The following ZEB1 variants were observed in gnomAD, a reference collection of about 807,000 sequenced individuals.
ZEB1 encodes zinc finger E-box binding homeobox 1, also known as zinc finger E-box-binding homeobox 1.
In ZEB1, 21 loss-of-function variants were observed where a neutral mutation model predicts 84.9. The observed-to-expected ratio is 0.25, with a 90% CI of 0.18 to 0.36. ZEB1 has a LOEUF of 0.36. Among genes scored for constraint, ZEB1 ranks in the 10% least tolerant of loss-of-function variants. The probability of loss-of-function intolerance (pLI) is 1.00; values close to 1 mark genes in which losing one functional copy is unlikely to be tolerated. For synonymous variants in ZEB1, 420 were observed against 471.1 expected, an observed-to-expected ratio of 0.89 and a Z score of 1.41; for missense variants, 1,104 against 1,330.2, an observed-to-expected ratio of 0.83 and a Z score of 2.65.
chr10:31,503,961 C>T (rs542645138), intron 4 of ZEB1, among the ~76,000 whole-genome samples: 4 of 140,298 alleles, frequency 2.9e-5, no homozygotes, highest in African/African-American at 9.8e-5. Context: ...TCATATTAGT[C>T]CCTTGTCAGA....
At chr10:31,371,586 T>C (rs1475831019) in intron 1 of ZEB1, among the ~76,000 whole-genome samples, 1 of 152,220 alleles carries the variant, frequency 6.6e-6, no homozygotes, top group Non-Finnish European at 1.5e-5. Context: ...ACTATTAAAC[T>C]GCCTCAATGT....
chr10:31,404,729 A>C (rs1378674339), intron 1 of ZEB1, among the ~76,000 whole-genome samples: 2 of 151,834 alleles, frequency 1.3e-5, no homozygotes, highest in Non-Finnish European at 2.9e-5. Flanking sequence ...TTCAAACTGC[A>C]CCTCTCCTTT....
At chr10:31,357,886 CTG>C (rs2042368045) in intron 1 of ZEB1, among the ~76,000 whole-genome samples, 1 of 152,042 alleles carries the variant, frequency 6.6e-6, no homozygotes, top group Admixed American at 6.6e-5. Flanking sequence ...TATCCCAACA[CTG>C]TAGTTGCCAA....
intron 2 of ZEB1, among the ~76,000 whole-genome samples, chr10:31,466,548 AT>A (rs1299374967): frequency 6.6e-6 from 1 of 152,234 alleles, no homozygotes; most frequent in African/African-American, 2.4e-5. Context: ...GAAGTAAAAA[AT>A]ATCTTGAAAC....
At chr10:31,492,121 T>C (rs530076652) in intron 2 of ZEB1, among the ~76,000 whole-genome samples, 1 of 152,008 alleles carries the variant, frequency 6.6e-6, no homozygotes, top group South Asian at 2.1e-4. Context: ...AAGTTACTCA[T>C]TTGGACTGGG....
At chr10:31,388,517 GA>G (rs940024017) in intron 1 of ZEB1, among the ~76,000 whole-genome samples, 3 of 152,002 alleles carry the variant, frequency 2.0e-5, no homozygotes, top group Admixed American at 2.0e-4. Context: ...TTAGAATGAG[GA>G]AAAAATACAA....
At chr10:31,477,149 T>C (rs367627478) in intron 2 of ZEB1, among the ~76,000 whole-genome samples, 52 of 151,962 alleles carry the variant, frequency 3.4e-4, no homozygotes, top group African/African-American at 1.2e-3. Context: ...CATGCCCCCA[T>C]ACCTAGAAAA....
chr10:31,522,005 C>T (rs1592103312), intron 7 of ZEB1, 69 bp downstream of exon 7: 1 of 1,603,694 alleles, frequency 6.2e-7, no homozygotes, highest in Non-Finnish European at 8.5e-7. Context: ...TTAACTTTGT[C>T]TAATAAATAT....
chr10:31,332,880 G>A (rs987686018), intron 1 of ZEB1, among the ~76,000 whole-genome samples: 2 of 152,068 alleles, frequency 1.3e-5, no homozygotes, highest in South Asian at 2.1e-4. Flanking sequence ...ATTATATAGC[G>A]TATTTTTTAA....
intron 1 of ZEB1, among the ~76,000 whole-genome samples, chr10:31,370,333 G>T (rs763115600): frequency 6.6e-6 from 1 of 152,088 alleles, no homozygotes; most frequent in Non-Finnish European, 1.5e-5. Flanking sequence ...TGTGATGGCC[G>T]GGCGCAGTGG....
At chr10:31,341,492 T>C (rs1211777352) in intron 1 of ZEB1, among the ~76,000 whole-genome samples, 1 of 152,080 alleles carries the variant, frequency 6.6e-6, no homozygotes. Flanking sequence ...AAGTCAGTTT[T>C]GGATATTTTG....
intron 2 of ZEB1, among the ~76,000 whole-genome samples, chr10:31,479,403 T>C (rs1227078567): frequency 6.6e-6 from 1 of 151,958 alleles, no homozygotes; most frequent in Non-Finnish European, 1.5e-5. Flanking sequence ...AAAGTCATTC[T>C]GTAAGACCAG....
intron 2 of ZEB1, among the ~76,000 whole-genome samples, chr10:31,468,741 T>G (rs1242915024): frequency 6.6e-6 from 1 of 152,048 alleles, no homozygotes; most frequent in East Asian, 1.9e-4. Context: ...ACCCAACATA[T>G]GCAAGAGTCA....
intron 1 of ZEB1, among the ~76,000 whole-genome samples, chr10:31,406,379 C>T (rs1355464188): frequency 1.3e-5 from 2 of 151,876 alleles, no homozygotes; most frequent in Non-Finnish European, 2.9e-5. Context: ...TTTTAATGAT[C>T]GCCATTCTAA....
intron 1 of ZEB1, among the ~76,000 whole-genome samples, chr10:31,457,874 T>C (rs562338177): frequency 6.6e-6 from 1 of 152,286 alleles, no homozygotes; most frequent in South Asian, 2.1e-4. Flanking sequence ...TAGATATAAA[T>C]GTGTTAAATG....
At position 31,521,488 on chromosome 10, in the gene ZEB1, G is replaced by A. The variant is rs779435142; in HGVS notation, c.2156G>A (p.Gly719Asp). 3.1e-6 allele frequency: 5 copies of A among 1,614,030 alleles called. No individual in the cohort carries two copies. The Admixed American group carries it at 5.0e-5, about 16-fold the overall frequency. ...LNLSSSRNTQ[G>D]YLYTAEGAQE... The stretch of plus-strand genomic sequence containing the variant: ...CTTTCCTCATCCAGAAATACACAGG[G>A]TTACTTGTACACAGCTGAGGGTGCA... Residue 719 changes from glycine (G) to aspartate (D), a missense_variant, in exon 7 of 9, where the codon GGT becomes GAT. This residue lies in a region of ZEB1 where 531 missense variants were observed against 575.2 expected (regional missense o/e 0.92). Transcript: ENST00000424869.
At chr10:31,448,474 A>T (rs201267274) in intron 1 of ZEB1, among the ~76,000 whole-genome samples, 7,053 of 147,336 alleles carry the variant, frequency 0.048, 586 homozygotes, top group East Asian at 0.18. Context: ...GTTCCTTTGG[A>T]GGAGGAGAGG....
chr10:31,481,846 C>T (rs1034882220), intron 2 of ZEB1, among the ~76,000 whole-genome samples: 1 of 151,732 alleles, frequency 6.6e-6, no homozygotes, highest in African/African-American at 2.4e-5. Flanking sequence ...ACTTAAACAC[C>T]TGGGAGGGAA....
At chr10:31,387,858 G>GA (rs1450905408) in intron 1 of ZEB1, 1 of 743,970 alleles carries the variant, frequency 1.3e-6, no homozygotes, top group African/African-American at 1.9e-5. Flanking sequence ...CTTAAAACTT[G>GA]AAAAAATTAC....
Sources: gnomAD v4.1 joint callset for allele counts (sites outside exome capture counted in the v4.1 genomes callset) on GRCh38, gnomAD v4.1.1 for gene constraint, gnomAD v4.1.1 regional missense constraint, MANE v1.5 for transcripts, NCBI Gene and HGNC (gene_info 2026-07-23, HGNC 2026-07-21) for gene names.